The following LRRC8D variants were observed in gnomAD, a reference collection of about 807,000 sequenced individuals.
LRRC8D encodes volume-regulated anion channel subunit LRRC8D.
A neutral mutation model predicts 55.8 loss-of-function variants in LRRC8D; 20 were observed. The observed-to-expected ratio is 0.36, with a 90% confidence interval of 0.25 to 0.52. The LOEUF is 0.52. LRRC8D is among the 20% of genes least tolerant of loss of function. LRRC8D has a pLI of 0.93. For missense variants in LRRC8D, 651 were observed against 1,030.8 expected, an observed-to-expected ratio of 0.63 and a Z score of 5.05; for synonymous variants, 352 against 377.0, an observed-to-expected ratio of 0.93 and a Z score of 0.77.
At chr1:89,827,616 A>G (rs1312731863) in intron 1 of LRRC8D, among the ~76,000 whole-genome samples, 1 of 152,352 alleles carries the variant, frequency 6.6e-6, no homozygotes, top group East Asian at 1.9e-4. Context: ...AGGAGATGGC[A>G]TGGAGGCCTA....
chr1:89,837,141 T>C (rs987417849), intron 1 of LRRC8D, among the ~76,000 whole-genome samples: 1 of 152,246 alleles, frequency 6.6e-6, no homozygotes, highest in African/African-American at 2.4e-5. Flanking sequence ...AGTTGTGCTG[T>C]AGCCAGGCAA....
At chr1:89,926,006 T>G (rs1663554569) in intron 2 of LRRC8D, among the ~76,000 whole-genome samples, 1 of 152,202 alleles carries the variant, frequency 6.6e-6, no homozygotes, top group South Asian at 2.1e-4. Flanking sequence ...TATTTGTAGT[T>G]TCTCTAACGC....
chr1:89,878,312 A>G (rs895148941), intron 2 of LRRC8D, among the ~76,000 whole-genome samples: 2 of 152,206 alleles, frequency 1.3e-5, no homozygotes, highest in Non-Finnish European at 2.9e-5. Context: ...TTCAGCAGGT[A>G]TTATGTGCTC....
Position 89,842,199 on chromosome 1 carries a change from C to T in LRRC8D, c.-147-1439C>T, listed in dbSNP as rs575425541. On this transcript the variant is annotated intron_variant, in intron 1 of 2. Coordinates refer to ENST00000337338, the MANE Select transcript of LRRC8D (RefSeq NM_001134479.2). ...CTGCACTCCAGCCTGGGCGACAGAGCGAGACTCTGTCTCAGAAAAAAAAAA... is the reference window on the plus strand; with the variant it reads ...CTGCACTCCAGCCTGGGCGACAGAGTGAGACTCTGTCTCAGAAAAAAAAAA... 1.5e-3 allele frequency among the ~76,000 whole-genome samples: 186 copies of T among 123,940 alleles called. 3 individuals carry two copies. Among genetic ancestry groups the T allele is most frequent in the Admixed American group, 1.7e-3 (18 of 10,556 alleles). 81.3% of individuals were successfully genotyped at this position (123,940 alleles called of 152,430 possible). A position where few individuals can be genotyped will look rare whatever the true frequency, so the allele number is the denominator to read the frequency against.
Position 89,934,209 on chromosome 1 carries a change from C to T in LRRC8D, c.1141C>T (p.Leu381Phe). The change falls in exon 3 of 3, where the codon CTC becomes TTC. Residue 381 changes from leucine (L) to phenylalanine (F), a missense_variant. Physicochemically the swap from Leu to Phe is conservative, Grantham distance 22. Around this residue, in one of 5 missense-constraint regions of LRRC8D, gnomAD observed 178 missense variants for 374.9 expected, o/e 0.47. Transcript: ENST00000337338. The surrounding 1 kb of genome is among the most constrained non-coding windows in gnomAD (Gnocchi z 5.9). ...SIICVYGFICLYTLFWLFRIP... is the reference protein window; with the variant it reads ...SIICVYGFICFYTLFWLFRIP... ...TATTTGTGTTTATGGCTTTATCTGCCTCTACACTCTCTTCTGGTTATTCAG... is the reference window on the plus strand; with the variant it reads ...TATTTGTGTTTATGGCTTTATCTGCTTCTACACTCTCTTCTGGTTATTCAG... 6.2e-7 allele frequency: 1 copy of T among 1,614,020 alleles called. No individual in the cohort carries two copies. Among genetic ancestry groups the T allele is most frequent in the Non-Finnish European group, 8.5e-7 (1 of 1,179,964 alleles).
chr1:89,823,938 G>A (rs1315960271), intron 1 of LRRC8D, among the ~76,000 whole-genome samples: 1 of 152,156 alleles, frequency 6.6e-6, no homozygotes, highest in Non-Finnish European at 1.5e-5. Flanking sequence ...GAGGGTAGAG[G>A]GAACCTAGTT....
intron 2 of LRRC8D, among the ~76,000 whole-genome samples, chr1:89,855,149 T>C (rs1661521931): frequency 6.6e-6 from 1 of 152,174 alleles, no homozygotes; most frequent in South Asian, 2.1e-4. Flanking sequence ...AATCGAACAG[T>C]TGGAGAAGGA....
At chr1:89,874,345 A>T (rs1369158583) in intron 2 of LRRC8D, among the ~76,000 whole-genome samples, 2 of 151,790 alleles carry the variant, frequency 1.3e-5, no homozygotes, top group Non-Finnish European at 1.5e-5. Flanking sequence ...CTTCTTTGGA[A>T]CTCAGTTTTC....
intron 2 of LRRC8D, among the ~76,000 whole-genome samples, chr1:89,858,675 CT>C (rs11309659): frequency 0.98 from 146,892 of 150,248 alleles, 71,837 homozygotes; most frequent in East Asian, 1. Flanking sequence ...TAATTTTGGA[CT>C]TTTTTTTTTT....
intron 2 of LRRC8D, among the ~76,000 whole-genome samples, chr1:89,917,591 C>T (rs540254787): frequency 1.1e-4 from 16 of 152,220 alleles, no homozygotes; most frequent in Non-Finnish European, 2.4e-4. Flanking sequence ...CCACCATACT[C>T]CTATACTCTT....
chr1:89,886,590 A>C (rs1256880089), intron 2 of LRRC8D, among the ~76,000 whole-genome samples: 1 of 152,226 alleles, frequency 6.6e-6, no homozygotes, highest in Non-Finnish European at 1.5e-5. Flanking sequence ...ATAAGGTGAG[A>C]AGGAAGAAAC....
chr1:89,902,607 G>C (rs1662891381), intron 2 of LRRC8D, among the ~76,000 whole-genome samples: 1 of 151,662 alleles, frequency 6.6e-6, no homozygotes. Context: ...CACCATCTTG[G>C]CTCACTGCAA....
At chr1:89,873,817 T>G (rs1662081138) in intron 2 of LRRC8D, among the ~76,000 whole-genome samples, 1 of 152,204 alleles carries the variant, frequency 6.6e-6, no homozygotes, top group Admixed American at 6.5e-5. Flanking sequence ...CATAGCAAAT[T>G]TAGAGTGCCG....
At chr1:89,895,804 C>A (rs1662693973) in intron 2 of LRRC8D, among the ~76,000 whole-genome samples, 1 of 152,076 alleles carries the variant, frequency 6.6e-6, no homozygotes, top group Non-Finnish European at 1.5e-5. Context: ...TTTCTTAAAG[C>A]AGTTTACATC....
At chr1:89,918,443 G>T (rs1404748661) in intron 2 of LRRC8D, among the ~76,000 whole-genome samples, 1 of 152,204 alleles carries the variant, frequency 6.6e-6, no homozygotes, top group Non-Finnish European at 1.5e-5. Flanking sequence ...ATGCAGAAGG[G>T]CAGAAAACCC....
At chr1:89,841,111 C>T (rs768318377) in intron 1 of LRRC8D, among the ~76,000 whole-genome samples, 11 of 152,102 alleles carry the variant, frequency 7.2e-5, no homozygotes, top group Admixed American at 1.3e-4. Flanking sequence ...GCCAGGACCA[C>T]GGTAAGCAAA....
chr1:89,847,009 C>T (rs533619602), intron 2 of LRRC8D, among the ~76,000 whole-genome samples: 22 of 152,282 alleles, frequency 1.4e-4, no homozygotes, highest in Non-Finnish European at 2.2e-4. Context: ...CATTCCAGCT[C>T]ACAGTAATCC....
At chr1:89,831,030 T>G (rs1378830776) in intron 1 of LRRC8D, among the ~76,000 whole-genome samples, 1 of 151,364 alleles carries the variant, frequency 6.6e-6, no homozygotes, top group Non-Finnish European at 1.5e-5. Flanking sequence ...CTCAGCCTCC[T>G]GAGTAGCTGG....
chr1:89,857,960 G>A (rs369049147), intron 2 of LRRC8D, among the ~76,000 whole-genome samples: 3 of 152,226 alleles, frequency 2.0e-5, no homozygotes, highest in East Asian at 3.8e-4. Flanking sequence ...CAGGCAAGGT[G>A]GCACACGCCT....
Sources: allele counts gnomAD v4.1 joint callset (sites outside exome capture counted in the v4.1 genomes callset), GRCh38; gene constraint gnomAD v4.1.1; regional missense constraint gnomAD v4.1.1; non-coding constraint Gnocchi (gnomAD v3.1); transcripts MANE v1.5; gene names NCBI Gene and HGNC (gene_info 2026-07-23, HGNC 2026-07-21).